Variants in FAM135B observed in about 807,000 individuals in gnomAD.
FAM135B encodes family with sequence similarity 135 member B.
Under a neutral mutation model 127.7 loss-of-function variants are expected in FAM135B, and 43 were observed. The ratio of observed to expected loss-of-function variants is 0.34; its 90% CI spans 0.26 to 0.43. FAM135B has a LOEUF of 0.43. Ranked by LOEUF, FAM135B falls within the 20% of genes least tolerant of loss-of-function variation. The pLI is 1.00. For synonymous variants in FAM135B, 670 were observed against 665.1 expected, an observed-to-expected ratio of 1.01 and a Z score of -0.11; for missense variants, 1,558 against 1,725.6, an observed-to-expected ratio of 0.90 and a Z score of 1.72.
Position 138,434,850 on chromosome 8 carries a change from T to C in FAM135B, c.-20+61821A>G, listed in dbSNP as rs188316923. 2.7e-3 allele frequency among the ~76,000 whole-genome samples: 405 copies of C among 152,138 alleles called. 2 individuals are homozygous for C. The highest frequency in any genetic ancestry group is 6.0e-3 in the African/African-American group (248 of 41,554). On this transcript the variant is annotated intron_variant, in intron 1 of 19. Coordinates refer to ENST00000395297, the MANE Select transcript of FAM135B (RefSeq NM_015912.4). ...GTACATGCCAGTATTGTGTCACTAA[T>C]AACAGTGACACCAGTCAGATTGGAC...
chr8:138,202,717 T>C (rs748556674), intron 7 of FAM135B, among the ~76,000 whole-genome samples: 3 of 152,238 alleles, frequency 2.0e-5, no homozygotes, highest in South Asian at 2.1e-4. Flanking sequence ...TGCAGACTTA[T>C]GTAATGCTCC....
chr8:138,371,349 T>C (rs1831104997), intron 1 of FAM135B, among the ~76,000 whole-genome samples: 1 of 151,984 alleles, frequency 6.6e-6, no homozygotes, highest in East Asian at 1.9e-4. Context: ...ATCACACTCA[T>C]ACACACAAAC....
intron 3 of FAM135B, among the ~76,000 whole-genome samples, chr8:138,291,403 A>G (rs1250427659): frequency 6.6e-6 from 1 of 152,128 alleles, no homozygotes; most frequent in Non-Finnish European, 1.5e-5. Context: ...AAACTCTTCC[A>G]AAAAAATAGG....
chr8:138,462,778 G>C (rs1369066252), intron 1 of FAM135B, among the ~76,000 whole-genome samples: 1 of 152,202 alleles, frequency 6.6e-6, no homozygotes, highest in East Asian at 1.9e-4. Flanking sequence ...AAAGAAACAA[G>C]ATAGGTCAAG....
At chr8:138,415,370 T>C (rs992097739) in intron 1 of FAM135B, among the ~76,000 whole-genome samples, 4 of 152,148 alleles carry the variant, frequency 2.6e-5, no homozygotes, top group Non-Finnish European at 5.9e-5. Flanking sequence ...TCCCACAATG[T>C]TGAACTGACT....
At chr8:138,347,236 C>A (rs1829482460) in intron 2 of FAM135B, among the ~76,000 whole-genome samples, 1 of 152,180 alleles carries the variant, frequency 6.6e-6, no homozygotes, top group South Asian at 2.1e-4. Flanking sequence ...ATGTCCTAAT[C>A]CACCTAAGTC....
chr8:138,420,766 G>C (rs1834446899), intron 1 of FAM135B, among the ~76,000 whole-genome samples: 1 of 152,138 alleles, frequency 6.6e-6, no homozygotes. Context: ...AATAGGCACA[G>C]AAAAGGCTTT....
chr8:138,203,917 G>T (rs944183102), intron 7 of FAM135B, among the ~76,000 whole-genome samples: 1 of 152,134 alleles, frequency 6.6e-6, no homozygotes, highest in Admixed American at 6.5e-5. Context: ...TAAGGAATGG[G>T]CAACCTAGAT....
chr8:138,493,095 G>T (rs910161904), intron 1 of FAM135B, among the ~76,000 whole-genome samples: 11 of 152,126 alleles, frequency 7.2e-5, no homozygotes, highest in African/African-American at 2.2e-4. Context: ...CCTTTGTGAT[G>T]CTAAAATCTC....
chr8:138,194,630 T>G (rs1241406174), intron 9 of FAM135B, among the ~76,000 whole-genome samples: 1 of 152,218 alleles, frequency 6.6e-6, no homozygotes, highest in Non-Finnish European at 1.5e-5. Context: ...CTGCTTCTAG[T>G]ACTGATTAGC....
At chr8:138,311,225 G>A (rs1446840997) in intron 2 of FAM135B, among the ~76,000 whole-genome samples, 1 of 152,170 alleles carries the variant, frequency 6.6e-6, no homozygotes, top group African/African-American at 2.4e-5. Flanking sequence ...TAAGAGGTGT[G>A]GGTTTTATTT....
intron 1 of FAM135B, among the ~76,000 whole-genome samples, chr8:138,378,539 T>C (rs1485375588): frequency 6.6e-6 from 1 of 152,170 alleles, no homozygotes; most frequent in Non-Finnish European, 1.5e-5. Flanking sequence ...CTTCCACCAA[T>C]GAGTTACCTA....
intron 7 of FAM135B, among the ~76,000 whole-genome samples, chr8:138,236,399 TAC>T (rs35317285): frequency 0.036 from 5,211 of 143,810 alleles, 159 homozygotes; most frequent in African/African-American, 0.091. Context: ...CACACACACA[TAC>T]ACACACACAC....
At chr8:138,432,599 C>G (rs1835255819) in intron 1 of FAM135B, among the ~76,000 whole-genome samples, 1 of 151,854 alleles carries the variant, frequency 6.6e-6, no homozygotes, top group African/African-American at 2.4e-5. Context: ...TTATCCACAT[C>G]CCTAAAATAG....
At chr8:138,454,338 T>C (rs1453683939) in intron 1 of FAM135B, among the ~76,000 whole-genome samples, 1 of 152,138 alleles carries the variant, frequency 6.6e-6, no homozygotes, top group Non-Finnish European at 1.5e-5. Flanking sequence ...TCTCCTTCAT[T>C]CGTCAAATGG....
At chr8:138,267,445 A>G (rs1823023732) in intron 3 of FAM135B, among the ~76,000 whole-genome samples, 1 of 151,030 alleles carries the variant, frequency 6.6e-6, no homozygotes, top group South Asian at 2.1e-4. Context: ...CCTCACATCT[A>G]CCTCTTTAGT....
chr8:138,371,301 T>C lies in FAM135B; in HGVS notation c.-19-3299A>G, dbSNP rs182664815. Among the ~76,000 whole-genome samples, 28 of 152,264 alleles carry C rather than the reference T, an allele frequency of 1.8e-4. No homozygotes were observed. The East Asian group carries it at 2.9e-3, about 16-fold the overall frequency. On this transcript the variant is annotated intron_variant, in intron 1 of 19. Transcript: ENST00000395297. ...ATTGTTGGAACATACTTATGACATA[T>C]GCAAACAATAGACCCATGACACATA...
intron 11 of FAM135B, among the ~76,000 whole-genome samples, chr8:138,171,122 C>T (rs1820397569): frequency 6.6e-6 from 1 of 152,206 alleles, no homozygotes; most frequent in African/African-American, 2.4e-5. Context: ...GAAGGCCCAT[C>T]ATGGGACTTC....
At chr8:138,180,408 C>A (rs1345038116) in intron 9 of FAM135B, among the ~76,000 whole-genome samples, 1 of 152,222 alleles carries the variant, frequency 6.6e-6, no homozygotes, top group East Asian at 1.9e-4. Context: ...CAGGGACACA[C>A]AGCCATAGCC....
Sources: allele counts gnomAD v4.1 joint callset (sites outside exome capture counted in the v4.1 genomes callset), GRCh38; gene constraint gnomAD v4.1.1; transcripts MANE v1.5; gene names NCBI Gene and HGNC (gene_info 2026-07-23, HGNC 2026-07-21).